The following ALS2CL variants were observed in gnomAD, a reference collection of about 807,000 sequenced individuals.
ALS2CL encodes ALS2 C-terminal-like protein.
Under a neutral mutation model 127.9 loss-of-function variants are expected in ALS2CL, and 112 were observed. That is an observed-to-expected ratio of 0.88 (90% CI 0.75 to 1.02). ALS2CL has a LOEUF of 1.02. Ranked by LOEUF, ALS2CL falls within the 50% of genes least tolerant of loss-of-function variation. The pLI is 0.00. For missense variants in ALS2CL, 1,174 were observed against 1,236.7 expected, an observed-to-expected ratio of 0.95 and a Z score of 0.76; for synonymous variants, 519 against 527.6, an observed-to-expected ratio of 0.98 and a Z score of 0.22.
At chr3:46,673,919 G>C (rs774647998) in intron 21 of ALS2CL, among the ~76,000 whole-genome samples, 5 of 152,220 alleles carry the variant, frequency 3.3e-5, no homozygotes, top group Non-Finnish European at 5.9e-5. Context: ...TGGGAGCAGA[G>C]ACAGTGCCCG....
chr3:46,682,234 C>G, intron 10 of ALS2CL, 140 bp from the exon 11 acceptor site: 1 of 891,942 alleles, frequency 1.1e-6, no homozygotes, highest in Non-Finnish European at 1.8e-6. Flanking sequence ...GTCTGAGCTC[C>G]GAACATTCCT....
At chr3:46,684,526 C>A (rs984579220) in intron 7 of ALS2CL, among the ~76,000 whole-genome samples, 9 of 152,194 alleles carry the variant, frequency 5.9e-5, no homozygotes, top group Admixed American at 3.3e-4. Flanking sequence ...GCTCTGACAG[C>A]CAGAAAAAAA....
In ALS2CL at chr3:46,670,878, CT is replaced by C; in HGVS notation, c.*105del. On this transcript the variant is annotated 3_prime_UTR_variant, in exon 26 of 26. Coordinates refer to ENST00000318962, the MANE Select transcript of ALS2CL (RefSeq NM_147129.5). The surrounding 1 kb of genome is among the most constrained non-coding windows in gnomAD (Gnocchi z 5.5). Reference sequence around the variant, plus strand: ...CTGTGCAAAACAAAATGCTCATCTCCTCCAAGAGCTGCTTCTGAGGGCCTGT... The same window carrying C: ...CTGTGCAAAACAAAATGCTCATCTCCCCAAGAGCTGCTTCTGAGGGCCTGT... 1 of 1,204,348 alleles carries C rather than the reference CT, an allele frequency of 8.3e-7. No individual in the cohort carries two copies. The highest frequency in any genetic ancestry group is 1.3e-5 in the South Asian group (1 of 79,882). The allele number at this position is 1,204,348 out of a possible 1,614,324, so 74.6% of individuals were successfully genotyped here. A position where few individuals can be genotyped will look rare whatever the true frequency, so the allele number is the denominator to read the frequency against.
At chr3:46,690,869 G>A (rs79371877) in intron 1 of ALS2CL, among the ~76,000 whole-genome samples, 7,457 of 152,334 alleles carry the variant, frequency 0.049, 321 homozygotes, top group South Asian at 0.13. Context: ...CAGGCCCCTG[G>A]CAGAGCCTAC....
chr3:46,690,736 C>A (rs1158786990), intron 1 of ALS2CL, among the ~76,000 whole-genome samples: 2 of 152,216 alleles, frequency 1.3e-5, no homozygotes, highest in Non-Finnish European at 2.9e-5. Context: ...CTGTGTGGGG[C>A]AGGGGACAAA....
At chr3:46,676,141 A>T in intron 19 of ALS2CL, 104 bp downstream of exon 19, 1 of 1,500,418 alleles carries the variant, frequency 6.7e-7, no homozygotes, top group South Asian at 1.3e-5. Flanking sequence ...TCATTGTTGA[A>T]TCAGACACTT....
At chr3:46,678,122 C>T in intron 16 of ALS2CL, 137 bp downstream of exon 16, 1 of 967,778 alleles carries the variant, frequency 1.0e-6, no homozygotes, top group Non-Finnish European at 1.4e-6. Flanking sequence ...TGGAGTTGTA[C>T]ACCCTGGGCT....
Position 46,682,040 on chromosome 3 carries a change from G to A in ALS2CL, c.1164C>T (p.Gly388=), listed in dbSNP as rs1699393275. ...CCAGCCAGCCTTACCCATGCTCCAG[G>A]CCCTGGCAGAAATTCCCCACGTGAT... ...GRNHVGNFCQ[G]LEHGFGIRLL... Residue 388 remains glycine (G), a synonymous_variant, in exon 11 of 26, where the codon GGC becomes GGT. Coordinates refer to ENST00000318962, the MANE Select transcript of ALS2CL (RefSeq NM_147129.5). 1 of 1,613,896 alleles carries A rather than the reference G, an allele frequency of 6.2e-7. No homozygotes were observed. Among genetic ancestry groups the A allele is most frequent in the Non-Finnish European group, 8.5e-7 (1 of 1,179,990 alleles).
intron 9 of ALS2CL, 84 bp downstream of exon 9, chr3:46,683,698 G>T: frequency 6.6e-7 from 1 of 1,521,088 alleles, no homozygotes; most frequent in Non-Finnish European, 9.1e-7. Context: ...CTCCTGTGGG[G>T]CCCTGCAGGG....
intron 15 of ALS2CL, 125 bp downstream of exon 15, chr3:46,679,085 T>A: frequency 1.0e-6 from 1 of 999,808 alleles, no homozygotes; most frequent in Non-Finnish European, 1.5e-6. Flanking sequence ...TGCCCACTCC[T>A]TGGCTCCAAG....
In ALS2CL at chr3:46,684,032, T is replaced by A; in HGVS notation, c.802A>T (p.Thr268Ser). Residue 268 changes from threonine to serine, a missense_variant, in exon 8 of 26, where the codon ACC (threonine) becomes TCC (serine). By Grantham distance (58) the Thr-to-Ser change is moderately conservative. Coordinates refer to ENST00000318962, the MANE Select transcript of ALS2CL (RefSeq NM_147129.5). ...LVLLQGHNVH[T>S]FDLKLVWVDP... is the part of the protein sequence containing the mutation. ...ACCCACACCAGCTTCAGATCAAAGG[T>A]GTGGACATTGTGGCCCTGGAAGAGG... 3.8e-6 allele frequency: 6 copies of A among 1,559,066 alleles called. No homozygotes were observed. Among genetic ancestry groups the A allele is most frequent in the Non-Finnish European group, 5.2e-6 (6 of 1,150,780 alleles).
rs1204479807 is a variant in ALS2CL at position 46,686,145 on chromosome 3, G to A, written c.666+163C>T. 2.0e-5 allele frequency among the ~76,000 whole-genome samples: 3 copies of A among 152,178 alleles called. No individual in the cohort carries two copies. Among genetic ancestry groups the A allele is most frequent in the Non-Finnish European group, 2.9e-5 (2 of 68,020 alleles). ...ACGTGCTCAGCAGACAGATAAGAAT[G>A]GCTGGACAGAGGGACCTTACAGCCA... On this transcript the variant is annotated intron_variant, in intron 6 of 25. Transcript: ENST00000318962. This position sits in a 1 kb window ranked among gnomAD's most constrained non-coding sequence, Gnocchi z 4.3.
intron 6 of ALS2CL, among the ~76,000 whole-genome samples, 184 bp from the exon 7 acceptor site, chr3:46,685,828 C>A (rs966847480): frequency 6.6e-6 from 1 of 152,206 alleles, no homozygotes; most frequent in African/African-American, 2.4e-5. Context: ...TCTCTTGAAG[C>A]TTCAGTGTCC....
intron 19 of ALS2CL, 178 bp downstream of exon 19, chr3:46,676,067 T>A: frequency 7.4e-7 from 1 of 1,360,496 alleles, no homozygotes; most frequent in South Asian, 1.5e-5. Context: ...GCTGGGCCTT[T>A]GCTCTCACCT....
In ALS2CL at chr3:46,683,110, C is replaced by G. The variant is rs201311417; in HGVS notation, c.1109+20G>C. On this transcript the variant is annotated intron_variant, in intron 10 of 25. Transcript: ENST00000318962. Reference sequence around the variant, plus strand: ...CCCCCAGGGAGTCCCACCTTGCCACCCAGAGCTCCAGCCACTCACTTGCCG... The same window carrying G: ...CCCCCAGGGAGTCCCACCTTGCCACGCAGAGCTCCAGCCACTCACTTGCCG... The G allele has an allele frequency of 1.3e-4, 207 of 1,538,402 alleles. No individual in the cohort carries two copies. The highest frequency in any genetic ancestry group is 1.8e-4 in the Non-Finnish European group (203 of 1,145,476).
At chr3:46,675,502 A>T in intron 20 of ALS2CL, 116 bp downstream of exon 20, 1 of 965,140 alleles carries the variant, frequency 1.0e-6, no homozygotes, top group African/African-American at 1.6e-5. Context: ...TTTGGTCAAT[A>T]GAGTGAATGC....
At position 46,681,485 on chromosome 3, in the gene ALS2CL, G is replaced by C. The variant is rs1699339382; in HGVS notation, c.1274+15C>G. ...ATGGGCCCAGCCCATGAACCCCCCA[G>C]CCAGGGTCACTTACTCACAGATGCC... is the stretch of plus-strand genomic sequence containing the variant. On this transcript the variant is annotated intron_variant, in intron 12 of 25. Coordinates refer to ENST00000318962, the MANE Select transcript of ALS2CL (RefSeq NM_147129.5). The surrounding 1 kb of genome is among the most constrained non-coding windows in gnomAD (Gnocchi z 4.9). 1.9e-6 allele frequency: 3 copies of C among 1,614,052 alleles called. No individual in the cohort carries two copies. In the East Asian group the frequency reaches 6.7e-5, roughly 36 times the overall value.
rs1699379842 is a variant in ALS2CL at position 46,681,894 on chromosome 3, T to C, written c.1175+135A>G. ...CCCCTTTGGTACAGTGGGCGGGGGC[T>C]GGACCGGATTGTCTCTAAGTTCCTG... On this transcript the variant is annotated intron_variant, in intron 11 of 25. Transcript: ENST00000318962. The surrounding 1 kb of genome is among the most constrained non-coding windows in gnomAD (Gnocchi z 4.9). 1.7e-6 allele frequency: 2 copies of C among 1,151,166 alleles called. No individual in the cohort carries two copies. Among genetic ancestry groups the C allele is most frequent in the African/African-American group, 3.0e-5 (2 of 65,808 alleles). The allele number at this position is 1,151,166 out of a possible 1,614,324, so 71.3% of individuals were successfully genotyped here.
chr3:46,671,790 C>A, intron 24 of ALS2CL, 94 bp downstream of exon 24: 1 of 1,563,868 alleles, frequency 6.4e-7, no homozygotes, highest in Non-Finnish European at 8.6e-7. Context: ...GAAGCTGCAT[C>A]CATAAACCCT....
Sources: allele counts gnomAD v4.1 joint callset (sites outside exome capture counted in the v4.1 genomes callset), GRCh38; gene constraint gnomAD v4.1.1; non-coding constraint Gnocchi (gnomAD v3.1); transcripts MANE v1.5; gene names NCBI Gene and HGNC (gene_info 2026-07-23, HGNC 2026-07-21).